Variants in HECW1 observed in about 807,000 individuals in gnomAD.
The protein encoded by HECW1 is E3 ubiquitin-protein ligase HECW1.
Under a neutral mutation model 182.3 loss-of-function variants are expected in HECW1, and 61 were observed. That is an observed-to-expected ratio of 0.33 (90% CI 0.27 to 0.41). HECW1 has a LOEUF of 0.41. Ranked by LOEUF, HECW1 falls within the 10% of genes least tolerant of loss-of-function variation. The pLI is 1.00. For missense variants in HECW1, 1,739 were observed against 2,108.9 expected (o/e 0.82, Z 3.44); for synonymous variants, 859 against 832.6 (o/e 1.03, Z -0.55).
chr7:43,249,669 A>G (rs558100221), intron 3 of HECW1, among the ~76,000 whole-genome samples: 4 of 152,356 alleles, frequency 2.6e-5, no homozygotes, highest in African/African-American at 9.6e-5. Flanking sequence ...CATGTGGCCA[A>G]AAAACATGCG....
chr7:43,228,881 A>G (rs73690275), intron 2 of HECW1, among the ~76,000 whole-genome samples: 4,457 of 152,346 alleles, frequency 0.029, 203 homozygotes, highest in African/African-American at 0.089. Context: ...CGTATACAAT[A>G]TGTCTTAAGA....
Position 43,551,112 on chromosome 7 carries a change from G to A in HECW1, c.4395+521G>A, listed in dbSNP as rs374292058. Among the ~76,000 whole-genome samples, 13 of 152,272 alleles carry A rather than the reference G, an allele frequency of 8.5e-5. No homozygotes were observed. In the East Asian group the frequency reaches 1.5e-3, roughly 18 times the overall value. On this transcript the variant is annotated intron_variant, in intron 27 of 29. Transcript: ENST00000395891. ...AGTTTAAAAACCAGAGGCTATAAAC[G>A]TTTTCTCAGGTCTTGGGTCGTGGAA... is the stretch of plus-strand genomic sequence containing the variant.
intron 2 of HECW1, among the ~76,000 whole-genome samples, chr7:43,160,483 G>A (rs1452956631): frequency 6.6e-6 from 1 of 152,098 alleles, no homozygotes; most frequent in African/African-American, 2.4e-5. Flanking sequence ...TTTGATAAAA[G>A]AGAGATATAA....
intron 1 of HECW1, chr7:43,113,955 A>G: frequency 3.4e-6 from 1 of 295,440 alleles, no homozygotes. Flanking sequence ...GCAGGGACAC[A>G]GGCTGCAGAG....
In HECW1 at chr7:43,263,516, A is replaced by G. The variant is rs564809926; in HGVS notation, c.27+19584A>G. 1.1e-4 allele frequency among the ~76,000 whole-genome samples: 17 copies of G among 151,992 alleles called. No homozygotes were observed. The South Asian group carries it at 3.3e-3, about 30-fold the overall frequency. ...GCTGGGACTACAGGCGTGTGCCACT[A>G]TGGCCGGCTAATTTTTATATTTTCA... On this transcript the variant is annotated intron_variant, in intron 3 of 29. Coordinates refer to ENST00000395891, the MANE Select transcript of HECW1 (RefSeq NM_015052.5).
chr7:43,173,497 A>G (rs1341830799), intron 2 of HECW1, among the ~76,000 whole-genome samples: 4 of 152,072 alleles, frequency 2.6e-5, no homozygotes, highest in Non-Finnish European at 5.9e-5. Context: ...ATGGAAGACA[A>G]TTTTTCCACA....
intron 6 of HECW1, among the ~76,000 whole-genome samples, chr7:43,390,571 T>C (rs1335228497): frequency 6.9e-6 from 1 of 144,768 alleles, no homozygotes; most frequent in Non-Finnish European, 1.5e-5. Flanking sequence ...AGCAGAGTTG[T>C]GGAGGCAGAA....
chr7:43,433,568 C>T (rs1161426699), intron 8 of HECW1, among the ~76,000 whole-genome samples: 1 of 152,168 alleles, frequency 6.6e-6, no homozygotes, highest in Non-Finnish European at 1.5e-5. Context: ...GGTGCGTGAC[C>T]CTGTAGGAAT....
chr7:43,145,744 A>G (rs1038508358), intron 2 of HECW1, among the ~76,000 whole-genome samples: 37 of 152,176 alleles, frequency 2.4e-4, no homozygotes, highest in Admixed American at 2.4e-3. Context: ...TATCCAGAGG[A>G]TGGTTGTGAG....
intron 3 of HECW1, among the ~76,000 whole-genome samples, chr7:43,279,169 T>G (rs1803571299): frequency 6.6e-6 from 1 of 152,214 alleles, no homozygotes; most frequent in African/African-American, 2.4e-5. Context: ...TTGTGCTATG[T>G]GTAAGGGCAT....
intron 13 of HECW1, among the ~76,000 whole-genome samples, chr7:43,457,787 AC>A (rs1247103127): frequency 5.9e-5 from 9 of 151,858 alleles, no homozygotes; most frequent in South Asian, 4.2e-4. Flanking sequence ...AAAAAAAAAA[AC>A]AAACAAAAAA....
At chr7:43,475,734 T>TA (rs1254867277) in intron 16 of HECW1, among the ~76,000 whole-genome samples, 2 of 152,242 alleles carry the variant, frequency 1.3e-5, no homozygotes, top group East Asian at 3.9e-4. Flanking sequence ...TATATTTTTG[T>TA]ATTTTTTTGG....
intron 2 of HECW1, among the ~76,000 whole-genome samples, chr7:43,240,231 G>A (rs1255966910): frequency 2.6e-5 from 4 of 152,076 alleles, no homozygotes; most frequent in African/African-American, 7.2e-5. Context: ...CTAGCTACTC[G>A]GGAGGCTGAG....
chr7:43,271,140 A>C (rs979669041), intron 3 of HECW1, among the ~76,000 whole-genome samples: 1 of 152,218 alleles, frequency 6.6e-6, no homozygotes, highest in Non-Finnish European at 1.5e-5. Context: ...AAAATTCCAC[A>C]AATTATCTAG....
chr7:43,308,176 T>TA lies in HECW1; in HGVS notation c.28-3587_28-3586insA, dbSNP rs1489300444. On this transcript the variant is annotated intron_variant, in intron 3 of 29. Coordinates refer to ENST00000395891, the MANE Select transcript of HECW1 (RefSeq NM_015052.5). ...ATTATATATTTATATATAATATATTTTTATATATTATAATATATTTATATA... is the reference window on the plus strand; with the variant it reads ...ATTATATATTTATATATAATATATTTATTATATATTATAATATATTTATATA... 2.7e-4 allele frequency among the ~76,000 whole-genome samples: 28 copies of TA among 105,208 alleles called. 1 individual carries two copies. Among genetic ancestry groups the TA allele is most frequent in the African/African-American group, 1.0e-3 (25 of 24,632 alleles). 69.0% of individuals were successfully genotyped at this position (105,208 alleles called of 152,430 possible).
At chr7:43,260,394 G>A (rs566254703) in intron 3 of HECW1, among the ~76,000 whole-genome samples, 6 of 152,238 alleles carry the variant, frequency 3.9e-5, no homozygotes, top group African/African-American at 1.4e-4. Context: ...CCGAAAAGTG[G>A]CAAGATAGGT....
At chr7:43,293,638 A>C (rs1201920094) in intron 3 of HECW1, among the ~76,000 whole-genome samples, 1 of 152,230 alleles carries the variant, frequency 6.6e-6, no homozygotes, top group Non-Finnish European at 1.5e-5. Context: ...TTCAGTCCTC[A>C]ACCTTCAGCA....
chr7:43,151,171 C>A (rs143265493), intron 2 of HECW1, among the ~76,000 whole-genome samples: 1 of 152,210 alleles, frequency 6.6e-6, no homozygotes, highest in African/African-American at 2.4e-5. Context: ...GCAGAAAGAT[C>A]TCAGTAATTT....
intron 3 of HECW1, among the ~76,000 whole-genome samples, chr7:43,266,954 AT>A (rs1346352511): frequency 1.3e-5 from 2 of 152,254 alleles, no homozygotes; most frequent in Non-Finnish European, 2.9e-5. Flanking sequence ...TGATGAAGTT[AT>A]AATCTACAGT....
Sources: allele counts gnomAD v4.1 joint callset (sites outside exome capture counted in the v4.1 genomes callset), GRCh38; gene constraint gnomAD v4.1.1; transcripts MANE v1.5; gene names NCBI Gene and HGNC (gene_info 2026-07-23, HGNC 2026-07-21).